CAMTA1: variants seen among roughly 807,000 people sequenced by gnomAD.
The protein encoded by CAMTA1 is calmodulin binding transcription activator 1.
Under a neutral mutation model 170.9 loss-of-function variants are expected in CAMTA1, and 27 were observed. The observed-to-expected ratio is 0.16, with a 90% CI of 0.12 to 0.22. The LOEUF (loss-of-function observed/expected upper bound fraction) is 0.22. Among genes scored for constraint, CAMTA1 ranks in the 10% least tolerant of loss-of-function variants. CAMTA1 has a pLI of 1.00. For synonymous variants in CAMTA1, 833 were observed against 891.5 expected (o/e 0.93, Z 1.17); for missense variants, 1,619 against 2,217.2 (o/e 0.73, Z 5.42).
At chr1:6,875,037 A>G (rs1036006902) in intron 3 of CAMTA1, among the ~76,000 whole-genome samples, 9 of 152,152 alleles carry the variant, frequency 5.9e-5, no homozygotes, top group Admixed American at 2.6e-4. Context: ...ACATTTACCT[A>G]CAAGGTGGGT....
At position 7,585,798 on chromosome 1, in the gene CAMTA1, A is replaced by G. The variant is rs1357783738; in HGVS notation, c.511-54602A>G. Reference sequence around the variant, plus strand: ...CAGAGACACGGCTCATCTGTCCCTCATCCACCTCCAGCTTCCTGCTGCGGG... The same window carrying G: ...CAGAGACACGGCTCATCTGTCCCTCGTCCACCTCCAGCTTCCTGCTGCGGG... On this transcript the variant is annotated intron_variant, in intron 6 of 22. Coordinates refer to ENST00000303635, the MANE Select transcript of CAMTA1 (RefSeq NM_015215.4). The surrounding 1 kb of genome is among the most constrained non-coding windows in gnomAD (Gnocchi z 4.8). 6.6e-6 allele frequency among the ~76,000 whole-genome samples: 1 copy of G among 151,100 alleles called. No homozygotes were observed. Among genetic ancestry groups the G allele is most frequent in the South Asian group, 2.1e-4 (1 of 4,824 alleles).
At position 7,670,891 on chromosome 1, in the gene CAMTA1, C is replaced by T. The variant is rs1212324194; in HGVS notation, c.2653-20C>T. On this transcript the variant is annotated intron_variant, in intron 9 of 22. Coordinates refer to ENST00000303635, the MANE Select transcript of CAMTA1 (RefSeq NM_015215.4). ...CAGTGGCTCACACTCCAACTCTGTT[C>T]CCCTCTCTGTTCTCTGCAGGGAGGA... 1.9e-6 allele frequency: 3 copies of T among 1,612,622 alleles called. No homozygotes were observed. The highest frequency in any genetic ancestry group is 2.2e-5 in the South Asian group (2 of 90,954).
intron 11 of CAMTA1, among the ~76,000 whole-genome samples, chr1:7,710,525 A>G (rs982999156): frequency 6.7e-6 from 1 of 148,876 alleles, no homozygotes; most frequent in Non-Finnish European, 1.5e-5. Flanking sequence ...GCTTGAGCCC[A>G]GGAGTTTGAG....
At chr1:7,640,109 C>T (rs530260975) in intron 6 of CAMTA1, among the ~76,000 whole-genome samples, 88 of 152,192 alleles carry the variant, frequency 5.8e-4, no homozygotes, top group African/African-American at 2.0e-3. Context: ...GGTGATCTTG[C>T]CCCCTAGGGG....
At chr1:7,190,409 AATG>A (rs1423350695) in intron 4 of CAMTA1, among the ~76,000 whole-genome samples, 1 of 152,236 alleles carries the variant, frequency 6.6e-6, no homozygotes, top group East Asian at 1.9e-4. Flanking sequence ...TAGCATATAT[AATG>A]ATGTACTATA....
In CAMTA1 at chr1:7,665,923, T is replaced by G. The variant is rs2095997140; in HGVS notation, c.2652+724T>G. 6.6e-6 allele frequency among the ~76,000 whole-genome samples: 1 copy of G among 152,108 alleles called. No homozygotes were observed. The highest frequency in any genetic ancestry group is 6.5e-5 in the Admixed American group (1 of 15,282). On this transcript the variant is annotated intron_variant, in intron 9 of 22. Coordinates refer to ENST00000303635, the MANE Select transcript of CAMTA1 (RefSeq NM_015215.4). This position sits in a 1 kb window ranked among gnomAD's most constrained non-coding sequence, Gnocchi z 4.3. ...TGGCTCATGCCCATAATCCCAGCAC[T>G]TTGGGAGGCCAAGGTGGGTGGATCA... is the stretch of plus-strand genomic sequence containing the variant.
intron 6 of CAMTA1, among the ~76,000 whole-genome samples, chr1:7,537,507 G>A (rs1333853170): frequency 6.6e-6 from 1 of 152,206 alleles, no homozygotes; most frequent in Non-Finnish European, 1.5e-5. Flanking sequence ...TGCACAGCGG[G>A]GCTGACTCTC....
chr1:7,665,126 C>T lies in CAMTA1; in HGVS notation c.2579C>T (p.Thr860Ile), dbSNP rs1290537000. 44 of 1,519,590 alleles carry T rather than the reference C, an allele frequency of 2.9e-5. No homozygotes were observed. Among genetic ancestry groups the T allele is most frequent in the Non-Finnish European group, 3.6e-5 (41 of 1,137,406 alleles). The allele number at this position is 1,519,590 out of a possible 1,614,324, so 94.1% of individuals were successfully genotyped here. A position where few individuals can be genotyped will look rare whatever the true frequency, so the allele number is the denominator to read the frequency against. The change falls in exon 9 of 23, where the codon ACC (threonine) becomes ATC (isoleucine). Residue 860 changes from threonine (T) to isoleucine (I), a missense_variant. Transcript: ENST00000303635. The surrounding 1 kb of genome is among the most constrained non-coding windows in gnomAD (Gnocchi z 4.3). ...EVVSAASAQG[T>I]LGMLQQSGRV... ...GTCTCGGCCGCCTCGGCCCAGGGCA[C>T]CCTAGGCATGCTGCAGCAGAGCGGA...
At position 7,769,289 on chromosome 1, in the gene CAMTA1, G is replaced by A. The variant is rs560691802; in HGVS notation, c.*2798G>A. 3.3e-5 allele frequency: 5 copies of A among 152,906 alleles called. No homozygotes were observed. The highest frequency in any genetic ancestry group is 1.2e-4 in the African/African-American group (5 of 41,582). 9.5% of individuals were successfully genotyped at this position (152,906 alleles called of 1,614,324 possible). On this transcript the variant is annotated 3_prime_UTR_variant, in exon 23 of 23. Transcript: ENST00000303635. ...TTTCTTGGATAATCTGAATTCCCAAGTGCCAGGAGTAGGATTTCATTATAA... is the reference window on the plus strand; with the variant it reads ...TTTCTTGGATAATCTGAATTCCCAAATGCCAGGAGTAGGATTTCATTATAA...
intron 3 of CAMTA1, among the ~76,000 whole-genome samples, chr1:6,976,434 T>A (rs550539046): frequency 3.4e-4 from 52 of 152,266 alleles, no homozygotes; most frequent in Non-Finnish European, 5.0e-4. Context: ...TTTCAGAGTG[T>A]TGGCAGGCAC....
chr1:7,376,559 G>C (rs1409616455), intron 5 of CAMTA1, among the ~76,000 whole-genome samples: 1 of 152,172 alleles, frequency 6.6e-6, no homozygotes, highest in Non-Finnish European at 1.5e-5. Context: ...AACTCATGCA[G>C]CAGAAGGGGT....
At chr1:7,023,309 G>T (rs1701621365) in intron 3 of CAMTA1, among the ~76,000 whole-genome samples, 1 of 152,220 alleles carries the variant, frequency 6.6e-6, no homozygotes, top group Non-Finnish European at 1.5e-5. Flanking sequence ...CGTAAAACTT[G>T]TTATGGGGGA....
intron 5 of CAMTA1, among the ~76,000 whole-genome samples, chr1:7,412,013 G>A (rs2090809732): frequency 6.6e-6 from 1 of 150,652 alleles, no homozygotes; most frequent in African/African-American, 2.5e-5. Context: ...GCGGTGTTTG[G>A]TTTTTTGTCC....
chr1:7,410,335 T>G (rs2090624622), intron 5 of CAMTA1, among the ~76,000 whole-genome samples: 1 of 152,216 alleles, frequency 6.6e-6, no homozygotes, highest in South Asian at 2.1e-4. Context: ...AGCTGCCCCC[T>G]GAGCTGCTGG....
rs191682392 is a variant in CAMTA1, at chr1:7,216,428, G to T, written c.303-33063G>T. Among the ~76,000 whole-genome samples the T allele has an allele frequency of 6.6e-6, 1 of 152,306 alleles. No individual in the cohort carries two copies. The highest frequency in any genetic ancestry group is 1.5e-5 in the Non-Finnish European group (1 of 68,016). ...ATTTTTTGTCTATCTGGTTTCTCTTGTACTGACAGCGGTGTGGTAAACACA... is the reference window on the plus strand; with the variant it reads ...ATTTTTTGTCTATCTGGTTTCTCTTTTACTGACAGCGGTGTGGTAAACACA... On this transcript the variant is annotated intron_variant, in intron 4 of 22. Transcript: ENST00000303635. This position sits in a 1 kb window ranked among gnomAD's most constrained non-coding sequence, Gnocchi z 4.0.
intron 3 of CAMTA1, among the ~76,000 whole-genome samples, chr1:6,901,410 C>T (rs964898894): frequency 1.3e-5 from 2 of 152,142 alleles, no homozygotes; most frequent in African/African-American, 4.8e-5. Flanking sequence ...AAATCCTGTT[C>T]TTCAAAAGGT....
chr1:6,807,297 C>T (rs1644631485), intron 1 of CAMTA1, among the ~76,000 whole-genome samples: 1 of 152,172 alleles, frequency 6.6e-6, no homozygotes, highest in Non-Finnish European at 1.5e-5. Context: ...GAATACTTGG[C>T]TCTGGCCTTT....
chr1:7,011,108 G>A (rs1699710929), intron 3 of CAMTA1, among the ~76,000 whole-genome samples: 1 of 152,232 alleles, frequency 6.6e-6, no homozygotes, highest in Non-Finnish European at 1.5e-5. Flanking sequence ...TCTTGGCATG[G>A]TCTCTGCAGA....
chr1:7,335,885 G>C (rs1303838036), intron 5 of CAMTA1, among the ~76,000 whole-genome samples: 1 of 152,198 alleles, frequency 6.6e-6, no homozygotes, highest in East Asian at 1.9e-4. Context: ...ATCTATTGAT[G>C]GTGGGGAAGA....
Sources: gnomAD v4.1 joint callset for allele counts (sites outside exome capture counted in the v4.1 genomes callset) on GRCh38, gnomAD v4.1.1 for gene constraint, Gnocchi (gnomAD v3.1) non-coding constraint, MANE v1.5 for transcripts, NCBI Gene and HGNC (gene_info 2026-07-23, HGNC 2026-07-21) for gene names.